The following INPP5F variants were observed in gnomAD, a reference collection of about 807,000 sequenced individuals.
The protein encoded by INPP5F is inositol polyphosphate-5-phosphatase F, also known as phosphatidylinositide 4-phosphatase SAC2.
INPP5F carries 97 observed loss-of-function variants against 137.2 expected under a neutral mutation model. That is an observed-to-expected ratio of 0.71 (90% CI 0.60 to 0.84). INPP5F has a LOEUF of 0.84. INPP5F is among the 40% of genes least tolerant of loss of function. INPP5F has a pLI of 0.00. For synonymous variants in INPP5F, 504 were observed against 476.9 expected, an observed-to-expected ratio of 1.06 and a Z score of -0.74; for missense variants, 1,271 against 1,371.9, an observed-to-expected ratio of 0.93 and a Z score of 1.16.
At chr10:119,741,874 C>T (rs994438968) in intron 1 of INPP5F, among the ~76,000 whole-genome samples, 6 of 151,378 alleles carry the variant, frequency 4.0e-5, no homozygotes, top group East Asian at 3.9e-4. Context: ...ACTCTGTTGC[C>T]GATTAGTCAG....
chr10:119,827,763 C>T lies in INPP5F; in HGVS notation c.3382C>T (p.Arg1128Trp), dbSNP rs139481773. The T allele has an allele frequency of 7.5e-6, 12 of 1,602,330 alleles. No individual in the cohort carries two copies. Among genetic ancestry groups the T allele is most frequent in the South Asian group, 2.2e-5 (2 of 89,022 alleles). ...LKKMFIQCQTRIIQI is the reference protein window; with the variant it reads ...LKKMFIQCQTWIIQI ...AAAGATGTTTATACAATGCCAGACA[C>T]GGATAATTCAGATTTAGCTTTTAGC... The change falls in exon 20 of 20, where the codon CGG (arginine) becomes TGG (tryptophan). Residue 1128 changes from arginine (R) to tryptophan (W), a missense_variant. By Grantham distance (101) the Arg-to-Trp change is moderately radical. Coordinates refer to ENST00000650623, the MANE Select transcript of INPP5F (RefSeq NM_014937.4).
intron 1 of INPP5F, among the ~76,000 whole-genome samples, chr10:119,728,086 T>C (rs1325690219): frequency 1.3e-5 from 2 of 152,274 alleles, no homozygotes; most frequent in African/African-American, 4.8e-5. Context: ...GGATTACTGT[T>C]TGTTCAAAGT....
At chr10:119,778,061 C>A (rs1393845233) in intron 2 of INPP5F, among the ~76,000 whole-genome samples, 1 of 152,056 alleles carries the variant, frequency 6.6e-6, no homozygotes, top group African/African-American at 2.4e-5. Context: ...GGCTGGAGTT[C>A]AGTGGTGCCG....
chr10:119,772,975 C>G (rs1382915652), intron 2 of INPP5F, among the ~76,000 whole-genome samples: 1 of 152,018 alleles, frequency 6.6e-6, no homozygotes, highest in Non-Finnish European at 1.5e-5. Context: ...GTCTTGAATT[C>G]ATGACCTCGT....
intron 1 of INPP5F, among the ~76,000 whole-genome samples, chr10:119,737,277 T>C (rs553150177): frequency 6.6e-6 from 1 of 152,326 alleles, no homozygotes; most frequent in East Asian, 1.9e-4. Context: ...TTGTATTACT[T>C]TATTATGTGA....
rs535126510 is a variant in INPP5F, at chr10:119,753,330, T to C, written c.178+2174T>C. Among the ~76,000 whole-genome samples the C allele has an allele frequency of 1.1e-4, 16 of 152,366 alleles. No individual in the cohort carries two copies. In the South Asian group the frequency reaches 2.7e-3, roughly 26 times the overall value. On this transcript the variant is annotated intron_variant, in intron 2 of 19. Coordinates refer to ENST00000650623, the MANE Select transcript of INPP5F (RefSeq NM_014937.4). ...GCTGTATTTATTTAGCTTTGAGATA[T>C]AGGAGAAGCTGCCTAACATCTGTTT...
chr10:119,819,442 A>C (rs1377278087), intron 15 of INPP5F: 3 of 1,546,062 alleles, frequency 1.9e-6, no homozygotes, highest in African/African-American at 1.4e-5. Context: ...GCTAGGATGA[A>C]AGTAACACTG....
intron 2 of INPP5F, among the ~76,000 whole-genome samples, chr10:119,762,290 G>A (rs1849031956): frequency 6.6e-6 from 1 of 152,186 alleles, no homozygotes; most frequent in South Asian, 2.1e-4. Flanking sequence ...TAAGATCAAA[G>A]CCCCAGAAGA....
intron 1 of INPP5F, among the ~76,000 whole-genome samples, chr10:119,747,579 T>C (rs1312999874): frequency 6.6e-6 from 1 of 152,210 alleles, no homozygotes; most frequent in Non-Finnish European, 1.5e-5. Flanking sequence ...CTGGCAGAAA[T>C]CTAACTTGGT....
chr10:119,756,977 G>A (rs1335700071), intron 2 of INPP5F, among the ~76,000 whole-genome samples: 2 of 152,052 alleles, frequency 1.3e-5, no homozygotes, highest in Admixed American at 6.6e-5. Context: ...ACATTTGCAG[G>A]CAGGTGGATT....
chr10:119,818,088 G>A (rs367566188), intron 15 of INPP5F, among the ~76,000 whole-genome samples: 9 of 152,232 alleles, frequency 5.9e-5, no homozygotes, highest in South Asian at 2.1e-4. Context: ...CAGCACGCCC[G>A]TGCCTGTCCT....
chr10:119,740,224 T>G (rs1848334561), intron 1 of INPP5F, among the ~76,000 whole-genome samples: 1 of 152,196 alleles, frequency 6.6e-6, no homozygotes, highest in Admixed American at 6.5e-5. Context: ...CCCTTGAGAT[T>G]CTGCCTTTTC....
At chr10:119,745,699 CTTTTTTT>C (rs35485618) in intron 1 of INPP5F, among the ~76,000 whole-genome samples, 1,976 of 90,606 alleles carry the variant, frequency 0.022, 38 homozygotes, top group African/African-American at 0.084. Flanking sequence ...AGGCTCATTC[CTTTTTTT>C]TTTTTTTTTT....
chr10:119,795,701 C>G (rs1027396770), intron 6 of INPP5F, among the ~76,000 whole-genome samples: 37 of 152,252 alleles, frequency 2.4e-4, no homozygotes, highest in African/African-American at 8.4e-4. Context: ...GCTGCAATCT[C>G]GGCACTTTGG....
Position 119,798,575 on chromosome 10 carries a change from C to T in INPP5F, c.1081C>T (p.His361Tyr). 6.2e-7 allele frequency: 1 copy of T among 1,612,414 alleles called. No homozygotes were observed. Among genetic ancestry groups the T allele is most frequent in the Non-Finnish European group, 8.5e-7 (1 of 1,179,174 alleles). Residue 361 changes from histidine (H) to tyrosine (Y), a missense_variant, in exon 9 of 20, where the codon CAT (histidine) becomes TAT (tyrosine). By Grantham distance (83) the His-to-Tyr change is moderately conservative. Transcript: ENST00000650623. Reference sequence around the variant, plus strand: ...GGAAACTGTTGCCTATTTCTGTGCCCATTTCGAAGAACAACTGAACATTTA... The same window carrying T: ...GGAAACTGTTGCCTATTTCTGTGCCTATTTCGAAGAACAACTGAACATTTA... The part of the protein sequence containing the change: ...EKETVAYFCA[H>Y]FEEQLNIYKK...
intron 14 of INPP5F, among the ~76,000 whole-genome samples, chr10:119,810,998 A>G (rs1376258326): frequency 6.6e-6 from 1 of 152,250 alleles, no homozygotes; most frequent in Non-Finnish European, 1.5e-5. Context: ...TTTGCCAGAC[A>G]TGGAGGGTGC....
intron 1 of INPP5F, among the ~76,000 whole-genome samples, chr10:119,727,743 C>G (rs1847934678): frequency 6.6e-6 from 1 of 152,206 alleles, no homozygotes; most frequent in South Asian, 2.1e-4. Flanking sequence ...TCTTGATGAT[C>G]TCGGGATAGA....
chr10:119,727,866 G>T (rs1338213693), intron 1 of INPP5F, among the ~76,000 whole-genome samples: 1 of 152,140 alleles, frequency 6.6e-6, no homozygotes, highest in Non-Finnish European at 1.5e-5. Flanking sequence ...TTTGGGTAAG[G>T]CTTCAGTACA....
At position 119,791,399 on chromosome 10, in the gene INPP5F, T is replaced by TC. The variant is rs542123287; in HGVS notation, c.316-117dup. 14 of 768,656 alleles carry TC rather than the reference T, an allele frequency of 1.8e-5. No homozygotes were observed. The East Asian group carries it at 3.2e-4, about 18-fold the overall frequency. 47.6% of individuals were successfully genotyped at this position (768,656 alleles called of 1,614,324 possible). ...CATCAATTGTCTACTTGATAATTTT[T>TC]CTAACTCTTGAAGTTTACTGTTAAT... On this transcript the variant is annotated intron_variant, in intron 3 of 19. Coordinates refer to ENST00000650623, the MANE Select transcript of INPP5F (RefSeq NM_014937.4).
Sources: allele counts gnomAD v4.1 joint callset (sites outside exome capture counted in the v4.1 genomes callset), GRCh38; gene constraint gnomAD v4.1.1; transcripts MANE v1.5; gene names NCBI Gene and HGNC (gene_info 2026-07-23, HGNC 2026-07-21).